FDX1: variants seen among roughly 807,000 people sequenced by gnomAD.
FDX1 encodes adrenodoxin, mitochondrial.
A neutral mutation model predicts 14.9 loss-of-function variants in FDX1; 9 were observed. The observed-to-expected ratio is 0.60, with a 90% CI of 0.36 to 1.05. The LOEUF (loss-of-function observed/expected upper bound fraction) is 1.05. Ranked by LOEUF, FDX1 falls within the 50% of genes least tolerant of loss-of-function variation. The pLI, the probability that FDX1 is intolerant of heterozygous loss-of-function variation, is 0.01. For synonymous variants in FDX1, 92 were observed against 99.4 expected (o/e 0.93, Z 0.44); for missense variants, 204 against 237.2 (o/e 0.86, Z 0.92).
At chr11:110,457,622 A>G (rs1016810684) in intron 3 of FDX1, among the ~76,000 whole-genome samples, 2 of 152,124 alleles carry the variant, frequency 1.3e-5, no homozygotes, top group African/African-American at 2.4e-5. Context: ...ATTGGAGTCA[A>G]TGAAGGTAGC....
chr11:110,440,449 A>G (rs913893352), intron 2 of FDX1, among the ~76,000 whole-genome samples: 3 of 152,122 alleles, frequency 2.0e-5, no homozygotes, highest in African/African-American at 7.2e-5. Flanking sequence ...AGATTTTGGT[A>G]TCTGTGTCTC....
chr11:110,435,870 T>C lies in FDX1; in HGVS notation c.222T>C (p.Arg74=). 6.2e-7 allele frequency: 1 copy of C among 1,610,728 alleles called. No individual in the cohort carries two copies. The highest frequency in any genetic ancestry group is 8.5e-7 in the Non-Finnish European group (1 of 1,177,758). The part of the protein sequence containing the change: ...EDKITVHFIN[R]DGETLTTKGK... ...AAATAACAGTCCACTTTATAAACCG[T>C]GATGGTGAAACATTAACAACCAAAG... is the stretch of plus-strand genomic sequence containing the variant. The change falls in exon 2 of 4, where the codon CGT becomes CGC. Residue 74 remains arginine, a synonymous_variant. Coordinates refer to ENST00000260270, the MANE Select transcript of FDX1 (RefSeq NM_004109.5).
At chr11:110,460,794 G>A (rs1946551744) in intron 3 of FDX1, among the ~76,000 whole-genome samples, 2 of 152,228 alleles carry the variant, frequency 1.3e-5, no homozygotes, top group South Asian at 4.1e-4. Flanking sequence ...TAAGCAAGTT[G>A]CCTGTGAACA....
Position 110,430,732 on chromosome 11 carries a change from C to T in FDX1, c.185+427C>T, listed in dbSNP as rs374195321. ...TGCTGTCCTGGCCTGACACACCTGC[C>T]AGCTGTTTTTTTCAGGGCCTTGCCC... On this transcript the variant is annotated intron_variant, in intron 1 of 3. Coordinates refer to ENST00000260270, the MANE Select transcript of FDX1 (RefSeq NM_004109.5). Among the ~76,000 whole-genome samples the T allele has an allele frequency of 2.6e-3, 393 of 152,334 alleles. 3 individuals carry two copies. The highest frequency in any genetic ancestry group is 8.1e-3 in the African/African-American group (338 of 41,582).
chr11:110,453,614 A>C (rs1442846291), intron 2 of FDX1, among the ~76,000 whole-genome samples: 3 of 151,628 alleles, frequency 2.0e-5, no homozygotes, highest in Admixed American at 6.6e-5. Flanking sequence ...ATATTCTCTA[A>C]AATTCTTTAA....
rs1946324416 is a variant in FDX1 at position 110,430,611 on chromosome 11, G to T, written c.185+306G>T. On this transcript the variant is annotated intron_variant, in intron 1 of 3. Coordinates refer to ENST00000260270, the MANE Select transcript of FDX1 (RefSeq NM_004109.5). ...GCTTCCCGTGCCCTGAGGAAAGCCG[G>T]GACTTTGCTGCTGCTTGTTCTCCGT... Among the ~76,000 whole-genome samples the T allele has an allele frequency of 2.6e-5, 4 of 152,326 alleles. No homozygotes were observed. In the South Asian group the frequency reaches 8.3e-4, roughly 32 times the overall value.
intron 3 of FDX1, among the ~76,000 whole-genome samples, chr11:110,460,867 CTT>C (rs1172295568): frequency 6.6e-6 from 1 of 152,186 alleles, no homozygotes; most frequent in Non-Finnish European, 1.5e-5. Context: ...GATGCTGTCT[CTT>C]TAGTGCATCC....
upstream of FDX1, chr11:110,429,849 T>G (rs1448990346): frequency 3.3e-6 from 1 of 302,624 alleles, no homozygotes; most frequent in Non-Finnish European, 6.1e-6. Context: ...AAAGGCCCCC[T>G]GCGCTGGCCC....
chr11:110,449,924 G>A lies in FDX1; in HGVS notation c.311-6994G>A, dbSNP rs893555504. ...ATTACAGGCATGAGCCACTGTGCTCGGCCTGTGCTAGAGATCTTAAACACA... is the reference window on the plus strand; with the variant it reads ...ATTACAGGCATGAGCCACTGTGCTCAGCCTGTGCTAGAGATCTTAAACACA... On this transcript the variant is annotated intron_variant, in intron 2 of 3. Coordinates refer to ENST00000260270, the MANE Select transcript of FDX1 (RefSeq NM_004109.5). Among the ~76,000 whole-genome samples, 7 of 152,114 alleles carry A rather than the reference G, an allele frequency of 4.6e-5. No individual in the cohort carries two copies. The East Asian group carries it at 1.2e-3, about 25-fold the overall frequency.
intron 2 of FDX1, among the ~76,000 whole-genome samples, chr11:110,449,438 T>C (rs2134687109): frequency 6.6e-6 from 1 of 152,262 alleles, no homozygotes; most frequent in Admixed American, 6.5e-5. Context: ...ATTTATGGGG[T>C]AGGTACAGTG....
rs751627007 is a variant in FDX1, at chr11:110,462,447, T to G, written c.534T>G (p.Ile178Met). 1.3e-6 allele frequency: 2 copies of G among 1,538,716 alleles called. No individual in the cohort carries two copies. The highest frequency in any genetic ancestry group is 4.5e-5 in the East Asian group (2 of 44,522). The change falls in exon 4 of 4, where the codon ATT becomes ATG. Residue 178 changes from isoleucine to methionine, a missense_variant. Coordinates refer to ENST00000260270, the MANE Select transcript of FDX1 (RefSeq NM_004109.5). ...PETVADARQS[I>M]DVGKTS ...CAGTGGCTGATGCCAGACAATCCAT[T>G]GATGTGGGCAAGACCTCCTGAACTA...
chr11:110,455,535 A>T (rs1218483944), intron 2 of FDX1, among the ~76,000 whole-genome samples: 2 of 152,170 alleles, frequency 1.3e-5, no homozygotes, highest in African/African-American at 4.8e-5. Context: ...AAAAAACTGT[A>T]AAAACAAACC....
chr11:110,448,462 G>A (rs1295337289), intron 2 of FDX1, among the ~76,000 whole-genome samples: 3 of 152,156 alleles, frequency 2.0e-5, no homozygotes, highest in Admixed American at 6.5e-5. Context: ...TGTCAGCATC[G>A]TAGTAGATAA....
chr11:110,431,184 G>T (rs1946328855), intron 1 of FDX1, among the ~76,000 whole-genome samples: 1 of 152,188 alleles, frequency 6.6e-6, no homozygotes, highest in Non-Finnish European at 1.5e-5. Flanking sequence ...AATATTGAAA[G>T]AAATGTGACA....
At chr11:110,448,542 C>T (rs1335020461) in intron 2 of FDX1, among the ~76,000 whole-genome samples, 1 of 152,114 alleles carries the variant, frequency 6.6e-6, no homozygotes, top group Admixed American at 6.6e-5. Flanking sequence ...ACTCAAGTTA[C>T]ATGAAAGGAA....
rs538386755 is a variant in FDX1 at position 110,444,748 on chromosome 11, GTA to G, written c.310+8808_310+8809del. 3.1e-3 allele frequency among the ~76,000 whole-genome samples: 92 copies of G among 29,826 alleles called. 8 individuals are homozygous for G. Among genetic ancestry groups the G allele is most frequent in the African/African-American group, 9.1e-3 (74 of 8,102 alleles). The allele number at this position is 29,826 out of a possible 152,430, so 19.6% of individuals were successfully genotyped here. A position where few individuals can be genotyped will look rare whatever the true frequency, so the allele number is the denominator to read the frequency against. On this transcript the variant is annotated intron_variant, in intron 2 of 3. Transcript: ENST00000260270. Reference sequence around the variant, plus strand: ...CGTATATATATATATATATATACACGTATATATATATATATATATTTGCAGAA... The same window carrying G: ...CGTATATATATATATATATATACACGTATATATATATATATATTTGCAGAA...
At position 110,444,734 on chromosome 11, in the gene FDX1, A is replaced by ACACG. The variant is rs1946437046; in HGVS notation, c.310+8776_310+8777insCACG. Among the ~76,000 whole-genome samples the ACACG allele has an allele frequency of 2.9e-5, 2 of 67,948 alleles. 1 individual carries two copies. Among genetic ancestry groups the ACACG allele is most frequent in the African/African-American group, 1.4e-4 (2 of 14,244 alleles). 44.6% of individuals were successfully genotyped at this position (67,948 alleles called of 152,430 possible). A position where few individuals can be genotyped will look rare whatever the true frequency, so the allele number is the denominator to read the frequency against. Reference sequence around the variant, plus strand: ...TATATATATATATACGTATATATATATATATATATACACGTATATATATAT... The same window carrying ACACG: ...TATATATATATATACGTATATATATACACGTATATATATACACGTATATATATAT... On this transcript the variant is annotated intron_variant, in intron 2 of 3. Transcript: ENST00000260270.
At chr11:110,449,879 CG>C (rs1207300308) in intron 2 of FDX1, among the ~76,000 whole-genome samples, 1 of 152,204 alleles carries the variant, frequency 6.6e-6, no homozygotes, top group Non-Finnish European at 1.5e-5. Flanking sequence ...TTGCCTGCCT[CG>C]GCCTCCCAAA....
chr11:110,442,265 G>C (rs1946409630), intron 2 of FDX1, among the ~76,000 whole-genome samples: 2 of 152,338 alleles, frequency 1.3e-5, no homozygotes, highest in South Asian at 4.1e-4. Context: ...GCACCGCCTA[G>C]TGGAGCTGTG....
Sources: allele counts gnomAD v4.1 joint callset (sites outside exome capture counted in the v4.1 genomes callset), GRCh38; gene constraint gnomAD v4.1.1; transcripts MANE v1.5; gene names NCBI Gene and HGNC (gene_info 2026-07-23, HGNC 2026-07-21).